The following MYO1E variants were observed in gnomAD, a reference collection of about 807,000 sequenced individuals.
The protein encoded by MYO1E is myosin IE, also known as unconventional myosin-Ie.
MYO1E carries 68 observed loss-of-function variants against 151.1 expected under a neutral mutation model. That is an observed-to-expected ratio of 0.45 (90% CI 0.37 to 0.55). MYO1E has a LOEUF of 0.55. Among genes scored for constraint, MYO1E ranks in the 20% least tolerant of loss-of-function variants. MYO1E has a pLI of 0.00. For synonymous variants in MYO1E, 601 were observed against 501.7 expected (o/e 1.20, Z -2.64); for missense variants, 1,363 against 1,389.3 (o/e 0.98, Z 0.30).
At chr15:59,179,975 A>G (rs2079648782) in intron 18 of MYO1E, among the ~76,000 whole-genome samples, 1 of 152,260 alleles carries the variant, frequency 6.6e-6, no homozygotes, top group African/African-American at 2.4e-5. Context: ...CTTTGTTCCC[A>G]GAAACTACTG....
At chr15:59,292,536 G>A (rs1331125168) in intron 1 of MYO1E, among the ~76,000 whole-genome samples, 1 of 152,080 alleles carries the variant, frequency 6.6e-6, no homozygotes, top group Non-Finnish European at 1.5e-5. Context: ...AAAACAATGT[G>A]CAGTTCCTTT....
At chr15:59,323,601 A>G (rs1418895230) in intron 1 of MYO1E, among the ~76,000 whole-genome samples, 1 of 151,966 alleles carries the variant, frequency 6.6e-6, no homozygotes, top group Non-Finnish European at 1.5e-5. Flanking sequence ...GCTTACAAGA[A>G]GCCGAGATCG....
chr15:59,208,163 C>G (rs187925286), intron 14 of MYO1E: 1 of 1,297,836 alleles, frequency 7.7e-7, no homozygotes, highest in East Asian at 2.4e-5. Flanking sequence ...TTTGAATAAA[C>G]TTGAATTCCT....
rs60541381 is a variant in MYO1E at position 59,151,010 on chromosome 15, G to GAC, written c.3080+2578_3080+2579dup. ...GGGTAGTGGAAGGGAAGAGGAGAGG[G>GAC]ACACACACACACACACACACACACA... On this transcript the variant is annotated intron_variant, in intron 26 of 27. Transcript: ENST00000288235. Among the ~76,000 whole-genome samples the GAC allele has an allele frequency of 1.1e-3, 150 of 141,180 alleles. 1 individual carries two copies. Among genetic ancestry groups the GAC allele is most frequent in the South Asian group, 6.2e-3 (26 of 4,198 alleles). 92.6% of individuals were successfully genotyped at this position (141,180 alleles called of 152,430 possible).
At chr15:59,298,518 G>C (rs978221385) in intron 1 of MYO1E, among the ~76,000 whole-genome samples, 9 of 152,192 alleles carry the variant, frequency 5.9e-5, no homozygotes, top group African/African-American at 2.2e-4. Context: ...AGGCATAGAA[G>C]GAAATCAGGT....
At position 59,190,244 on chromosome 15, in the gene MYO1E, T is replaced by C. The variant is rs572767108; in HGVS notation, c.1806-2028A>G. The stretch of plus-strand genomic sequence containing the variant: ...AAGTAAGGTCTCTCTCTTTCGAAGA[T>C]GGAATGTCAGGATTGTGCTGCAGTA... On this transcript the variant is annotated intron_variant, in intron 17 of 27. Coordinates refer to ENST00000288235, the MANE Select transcript of MYO1E (RefSeq NM_004998.4). 2.1e-3 allele frequency among the ~76,000 whole-genome samples: 317 copies of C among 152,318 alleles called. 2 individuals are homozygous for C. The highest frequency in any genetic ancestry group is 3.5e-3 in the Non-Finnish European group (236 of 68,030).
At chr15:59,230,627 G>C (rs532241118) in intron 6 of MYO1E, among the ~76,000 whole-genome samples, 2 of 152,086 alleles carry the variant, frequency 1.3e-5, no homozygotes, top group African/African-American at 4.8e-5. Context: ...GCCCAAATAT[G>C]AGAGACAAAC....
At chr15:59,352,113 C>T (rs1374518632) in intron 1 of MYO1E, among the ~76,000 whole-genome samples, 1 of 152,184 alleles carries the variant, frequency 6.6e-6, no homozygotes, top group African/African-American at 2.4e-5. Context: ...AGCATGCTGT[C>T]GGCAACAGCC....
intron 1 of MYO1E, among the ~76,000 whole-genome samples, chr15:59,289,407 A>G (rs2080406237): frequency 6.6e-6 from 1 of 152,218 alleles, no homozygotes; most frequent in Non-Finnish European, 1.5e-5. Context: ...CAAATATTAT[A>G]TATGGGAGCA....
At chr15:59,149,052 G>GTTTTTTTTTTTT (rs570700878) in intron 26 of MYO1E, among the ~76,000 whole-genome samples, 3 of 128,228 alleles carry the variant, frequency 2.3e-5, no homozygotes, top group African/African-American at 9.1e-5. Flanking sequence ...TTTTTTTTTT[G>GTTTTTTTTTTTT]TTTTTTTTTT....
intron 19 of MYO1E, among the ~76,000 whole-genome samples, chr15:59,175,237 G>A (rs1202667038): frequency 6.6e-6 from 1 of 152,146 alleles, no homozygotes; most frequent in African/African-American, 2.4e-5. Context: ...TGATCCACTT[G>A]TAAAATAGTA....
intron 1 of MYO1E, among the ~76,000 whole-genome samples, chr15:59,305,486 C>T (rs1012168633): frequency 9.2e-5 from 14 of 152,278 alleles, no homozygotes; most frequent in South Asian, 4.1e-4. Context: ...TGAGCCACCA[C>T]GCCCAGCCTA....
chr15:59,331,940 A>G (rs2080700579), intron 1 of MYO1E, among the ~76,000 whole-genome samples: 1 of 152,256 alleles, frequency 6.6e-6, no homozygotes, highest in African/African-American at 2.4e-5. Flanking sequence ...GAAAGGAAAC[A>G]AAGACTAATT....
At chr15:59,182,205 ATTCT>A (rs1483098426) in intron 18 of MYO1E, among the ~76,000 whole-genome samples, 13 of 152,012 alleles carry the variant, frequency 8.6e-5, no homozygotes, top group Non-Finnish European at 1.6e-4. Flanking sequence ...TCCTCCCAGT[ATTCT>A]TTTTTTTTAT....
intron 12 of MYO1E, among the ~76,000 whole-genome samples, chr15:59,213,046 C>A (rs1457039607): frequency 6.6e-6 from 1 of 152,050 alleles, no homozygotes; most frequent in Non-Finnish European, 1.5e-5. Context: ...TGTTTTAAGT[C>A]ACTCAGTTTG....
At chr15:59,181,199 G>A (rs1307574186) in intron 18 of MYO1E, among the ~76,000 whole-genome samples, 1 of 152,134 alleles carries the variant, frequency 6.6e-6, no homozygotes, top group Non-Finnish European at 1.5e-5. Flanking sequence ...CTTTGCTGAT[G>A]AGGCATCCCT....
chr15:59,135,456 T>G lies in MYO1E; in HGVS notation c.*1924A>C, dbSNP rs2140296656. 6.6e-6 allele frequency: 1 copy of G among 152,310 alleles called. No individual in the cohort carries two copies. Among genetic ancestry groups the G allele is most frequent in the South Asian group, 2.1e-4 (1 of 4,824 alleles). The allele number at this position is 152,310 out of a possible 1,614,324, so 9.4% of individuals were successfully genotyped here. A position where few individuals can be genotyped will look rare whatever the true frequency, so the allele number is the denominator to read the frequency against. The stretch of plus-strand genomic sequence containing the variant: ...TGCTCCTCTGTCCCAGTTCTGGTGG[T>G]ATCTTCCTCCCACTGCGGGGAGTCC... On this transcript the variant is annotated 3_prime_UTR_variant, in exon 28 of 28. Transcript: ENST00000288235.
chr15:59,319,301 T>C (rs1342503861), intron 1 of MYO1E, among the ~76,000 whole-genome samples: 2 of 151,702 alleles, frequency 1.3e-5, no homozygotes, highest in Non-Finnish European at 2.9e-5. Flanking sequence ...ACAGAGCAAG[T>C]CTCCATCTGA....
intron 2 of MYO1E, among the ~76,000 whole-genome samples, chr15:59,266,283 T>C (rs927313914): frequency 2.0e-5 from 3 of 152,184 alleles, no homozygotes; most frequent in East Asian, 3.8e-4. Context: ...TTTACCCACA[T>C]AATCCTTGGT....
Sources: allele counts gnomAD v4.1 joint callset (sites outside exome capture counted in the v4.1 genomes callset), GRCh38; gene constraint gnomAD v4.1.1; transcripts MANE v1.5; gene names NCBI Gene and HGNC (gene_info 2026-07-23, HGNC 2026-07-21).